The following RPS6KC1 variants were observed in gnomAD, a reference collection of about 807,000 sequenced individuals.
RPS6KC1 encodes ribosomal protein S6 kinase C1.
RPS6KC1 carries 54 observed loss-of-function variants against 103.8 expected under a neutral mutation model. That is an observed-to-expected ratio of 0.52 (90% confidence interval 0.42 to 0.65). The LOEUF is 0.65. Ranked by LOEUF, RPS6KC1 falls within the 30% of genes least tolerant of loss-of-function variation. RPS6KC1 has a pLI of 0.00. For synonymous variants in RPS6KC1, 439 were observed against 438.7 expected, an observed-to-expected ratio of 1.00 and a Z score of -0.01; for missense variants, 1,151 against 1,253.8, an observed-to-expected ratio of 0.92 and a Z score of 1.24.
At chr1:213,600,378 C>A in the RPS6KC1 span, among the ~76,000 whole-genome samples, 4 of 152,166 alleles carry the variant, frequency 2.6e-5, no homozygotes, top group African/African-American at 9.7e-5. Context: ...TACCCTTTTG[C>A]CTTCATCAAA....
intron 5 of RPS6KC1, among the ~76,000 whole-genome samples, chr1:213,122,984 A>C (rs1437190692): frequency 6.6e-6 from 1 of 152,076 alleles, no homozygotes; most frequent in Non-Finnish European, 1.5e-5. Context: ...GGATATTAGG[A>C]GTTTAGGGGT....
chr1:213,448,645 T>G, the RPS6KC1 span, among the ~76,000 whole-genome samples: 1 of 152,034 alleles, frequency 6.6e-6, no homozygotes, highest in Non-Finnish European at 1.5e-5. Context: ...ACAGTCCCGC[T>G]TCTTCTTGAG....
the RPS6KC1 span, among the ~76,000 whole-genome samples, chr1:213,301,233 G>A: frequency 2.6e-5 from 4 of 152,258 alleles, no homozygotes; most frequent in South Asian, 8.3e-4. Context: ...AGGGTTCTAG[G>A]AGAAAGCAGA....
chr1:213,224,631 C>G (rs2093916966), intron 8 of RPS6KC1, among the ~76,000 whole-genome samples: 1 of 152,134 alleles, frequency 6.6e-6, no homozygotes, highest in African/African-American at 2.4e-5. Flanking sequence ...ACAATTGTAT[C>G]AAGCTAGTAC....
At chr1:213,846,590 A>G in the RPS6KC1 span, among the ~76,000 whole-genome samples, 1 of 152,206 alleles carries the variant, frequency 6.6e-6, no homozygotes, top group Non-Finnish European at 1.5e-5. Flanking sequence ...ACAAAACATC[A>G]AGATATAGTA....
At chr1:213,393,780 T>C in the RPS6KC1 span, among the ~76,000 whole-genome samples, 35 of 152,134 alleles carry the variant, frequency 2.3e-4, no homozygotes, top group Middle Eastern at 0.024. Flanking sequence ...CAGACAATGG[T>C]TTCAGGAAGT....
the RPS6KC1 span, among the ~76,000 whole-genome samples, chr1:213,731,264 C>CT: frequency 1.3e-5 from 2 of 152,036 alleles, no homozygotes; most frequent in Non-Finnish European, 1.5e-5. Flanking sequence ...TTTAAAATAG[C>CT]TTTTTCTAGT....
chr1:213,330,562 G>A, the RPS6KC1 span, among the ~76,000 whole-genome samples: 1 of 152,148 alleles, frequency 6.6e-6, no homozygotes, highest in Non-Finnish European at 1.5e-5. Context: ...GACTGATGTT[G>A]AGCAATGCCC....
At chr1:213,787,689 T>C in the RPS6KC1 span, among the ~76,000 whole-genome samples, 1 of 152,164 alleles carries the variant, frequency 6.6e-6, no homozygotes, top group Non-Finnish European at 1.5e-5. Context: ...ATAAGAGTTC[T>C]GCTTTAGACA....
At position 213,273,478 on chromosome 1, in the gene RPS6KC1, AT is replaced by A. The variant is rs1339997822; in HGVS notation, c.*847del. The A allele has an allele frequency of 2.0e-5, 3 of 152,736 alleles. No individual in the cohort carries two copies. Among genetic ancestry groups the A allele is most frequent in the African/African-American group, 4.8e-5 (2 of 41,564 alleles). The allele number at this position is 152,736 out of a possible 1,614,324, so 9.5% of individuals were successfully genotyped here. A position where few individuals can be genotyped will look rare whatever the true frequency, so the allele number is the denominator to read the frequency against. ...TGGTGAAACATTAGATCTCTTCTTCATTTAATAACCCTCCCCCCTTTTTTTC... is the reference window on the plus strand; with the variant it reads ...TGGTGAAACATTAGATCTCTTCTTCATTAATAACCCTCCCCCCTTTTTTTC... On this transcript the variant is annotated 3_prime_UTR_variant, in exon 15 of 15. Coordinates refer to ENST00000366960, the MANE Select transcript of RPS6KC1 (RefSeq NM_012424.6).
intron 10 of RPS6KC1, among the ~76,000 whole-genome samples, chr1:213,235,664 TGGAGCAG>T (rs1488220905): frequency 1.3e-5 from 2 of 152,084 alleles, no homozygotes; most frequent in Non-Finnish European, 2.9e-5. Flanking sequence ...TCAGTGTGGC[TGGAGCAG>T]AACAGAAAGA....
intron 3 of RPS6KC1, among the ~76,000 whole-genome samples, chr1:213,083,763 G>C (rs144919751): frequency 1.5e-3 from 224 of 152,210 alleles, no homozygotes; most frequent in Non-Finnish European, 2.7e-3. Context: ...CTGTCTCCTG[G>C]TGTTTATGTT....
the RPS6KC1 span, among the ~76,000 whole-genome samples, chr1:213,706,100 C>T: frequency 6.6e-6 from 1 of 152,164 alleles, no homozygotes; most frequent in Non-Finnish European, 1.5e-5. Flanking sequence ...GCTGATGTCT[C>T]AGTAGGTCCT....
the RPS6KC1 span, among the ~76,000 whole-genome samples, chr1:213,555,196 A>G: frequency 6.6e-6 from 1 of 152,242 alleles, no homozygotes; most frequent in African/African-American, 2.4e-5. Flanking sequence ...GCTACTACAA[A>G]GAACGAATGT....
intron 6 of RPS6KC1, among the ~76,000 whole-genome samples, chr1:213,162,294 T>G (rs1187587734): frequency 6.6e-6 from 1 of 152,178 alleles, no homozygotes; most frequent in African/African-American, 2.4e-5. Flanking sequence ...GCCATTTTTA[T>G]TGCCTGGCCA....
chr1:213,756,661 A>T, the RPS6KC1 span, among the ~76,000 whole-genome samples: 1 of 152,202 alleles, frequency 6.6e-6, no homozygotes, highest in Admixed American at 6.5e-5. Flanking sequence ...TCTGTCACCC[A>T]GACTGGAGTA....
At chr1:213,851,881 G>A in the RPS6KC1 span, among the ~76,000 whole-genome samples, 4 of 152,092 alleles carry the variant, frequency 2.6e-5, no homozygotes, top group East Asian at 1.9e-4. Context: ...GCCTGTCTTC[G>A]CTCCTTGAGT....
At chr1:213,555,508 G>T in the RPS6KC1 span, among the ~76,000 whole-genome samples, 1 of 152,218 alleles carries the variant, frequency 6.6e-6, no homozygotes, top group South Asian at 2.1e-4. Flanking sequence ...TGTCACTCAG[G>T]CTGGATCTTT....
At chr1:213,856,486 T>G in the RPS6KC1 span, among the ~76,000 whole-genome samples, 1 of 127,814 alleles carries the variant, frequency 7.8e-6, no homozygotes. Flanking sequence ...CCTTCCCTCC[T>G]TCCTTCCTTC....
Sources: gnomAD v4.1 joint callset for allele counts (sites outside exome capture counted in the v4.1 genomes callset) on GRCh38, gnomAD v4.1.1 for gene constraint, MANE v1.5 for transcripts, NCBI Gene and HGNC (gene_info 2026-07-23, HGNC 2026-07-21) for gene names.